Variants in WWOX observed in about 807,000 individuals in gnomAD.
The protein encoded by WWOX is WW domain containing oxidoreductase, also known as WW domain-containing oxidoreductase.
Under a neutral mutation model 46.2 loss-of-function variants are expected in WWOX, and 69 were observed. The observed-to-expected ratio is 1.49, with a 90% CI of 1.23 to 1.82. WWOX has a LOEUF of 1.82. Among genes scored for constraint, WWOX ranks in the 40% most tolerant of loss-of-function variants. The pLI is 0.00. For missense variants in WWOX, 919 were observed against 542.6 expected, an observed-to-expected ratio of 1.69 and a Z score of -6.89; for synonymous variants, 359 against 202.6, an observed-to-expected ratio of 1.77 and a Z score of -6.56.
At chr16:78,340,005 C>T (rs9928342) in intron 5 of WWOX, among the ~76,000 whole-genome samples, 4,229 of 36,066 alleles carry the variant, frequency 0.12, 576 homozygotes, top group Non-Finnish European at 0.16. Context: ...TCTAGTCTTT[C>T]CATGGATTTG....
intron 8 of WWOX, among the ~76,000 whole-genome samples, chr16:78,714,618 A>G (rs901436120): frequency 3.9e-5 from 6 of 152,196 alleles, no homozygotes; most frequent in African/African-American, 1.4e-4. Context: ...CAGTTACTTA[A>G]AAGTGTGGAA....
At chr16:78,988,234 C>T (rs1010943929) in intron 8 of WWOX, among the ~76,000 whole-genome samples, 21 of 151,764 alleles carry the variant, frequency 1.4e-4, no homozygotes, top group Non-Finnish European at 2.6e-4. Context: ...ATCTCAGCTC[C>T]TCGGGAGGCT....
intron 8 of WWOX, among the ~76,000 whole-genome samples, chr16:79,012,786 G>A (rs534187170): frequency 1.3e-5 from 2 of 152,324 alleles, no homozygotes; most frequent in East Asian, 3.9e-4. Flanking sequence ...CAGGTATTCG[G>A]TGCAGCCTTC....
intron 8 of WWOX, among the ~76,000 whole-genome samples, chr16:79,178,670 G>T (rs141556311): frequency 6.6e-6 from 1 of 152,084 alleles, no homozygotes; most frequent in South Asian, 2.1e-4. Context: ...CGAAGAATCC[G>T]TAGTCCATTT....
intron 5 of WWOX, among the ~76,000 whole-genome samples, chr16:78,375,224 C>A (rs538154751): frequency 1.8e-4 from 27 of 152,340 alleles, no homozygotes; most frequent in African/African-American, 6.5e-4. Flanking sequence ...TACTGTTACA[C>A]GTTTACTGCA....
At chr16:79,029,537 C>T (rs925420702) in intron 8 of WWOX, among the ~76,000 whole-genome samples, 1 of 152,102 alleles carries the variant, frequency 6.6e-6, no homozygotes, top group African/African-American at 2.4e-5. Flanking sequence ...ACAGGATGCT[C>T]CTTTAAGTTA....
intron 8 of WWOX, among the ~76,000 whole-genome samples, chr16:78,637,326 C>T (rs758172313): frequency 4.0e-5 from 6 of 151,878 alleles, no homozygotes; most frequent in Admixed American, 6.6e-5. Context: ...CCTATAATCC[C>T]AGCTACTTGG....
intron 8 of WWOX, among the ~76,000 whole-genome samples, chr16:78,465,863 TA>T (rs1445470236): frequency 4.6e-5 from 7 of 152,198 alleles, no homozygotes; most frequent in Non-Finnish European, 8.8e-5. Flanking sequence ...ATTTTTAAAT[TA>T]AAAGAGACTA....
intron 5 of WWOX, among the ~76,000 whole-genome samples, chr16:78,223,404 T>C (rs992994749): frequency 6.6e-6 from 1 of 152,166 alleles, no homozygotes; most frequent in Non-Finnish European, 1.5e-5. Flanking sequence ...TGCCCTTTTA[T>C]GCTTTTCAAC....
chr16:79,130,857 C>T (rs371290630), intron 8 of WWOX, among the ~76,000 whole-genome samples: 37 of 152,244 alleles, frequency 2.4e-4, no homozygotes, highest in Admixed American at 8.5e-4. Flanking sequence ...GGAGCTACTG[C>T]GGGTGTGTGA....
chr16:79,022,198 C>T (rs544021273), intron 8 of WWOX, among the ~76,000 whole-genome samples: 1 of 152,174 alleles, frequency 6.6e-6, no homozygotes, highest in Admixed American at 6.5e-5. Context: ...GTTGCAAAGA[C>T]TGGGGATGGA....
chr16:79,020,945 AG>A (rs1453311547), intron 8 of WWOX, among the ~76,000 whole-genome samples: 3 of 152,096 alleles, frequency 2.0e-5, no homozygotes, highest in African/African-American at 7.2e-5. Flanking sequence ...CAGGGAGCTA[AG>A]GGGATTCTTG....
At chr16:78,516,585 T>G (rs900273053) in intron 8 of WWOX, among the ~76,000 whole-genome samples, 1 of 152,190 alleles carries the variant, frequency 6.6e-6, no homozygotes, top group Non-Finnish European at 1.5e-5. Context: ...TTGGCCTGTT[T>G]CTACAATTTT....
chr16:78,841,062 C>T (rs1037960102), intron 8 of WWOX, among the ~76,000 whole-genome samples: 3 of 152,096 alleles, frequency 2.0e-5, no homozygotes, highest in Admixed American at 6.6e-5. Flanking sequence ...GCCCTCGTCC[C>T]GGTAACATAC....
At chr16:78,169,475 G>GGGGC (rs375607173) in intron 5 of WWOX, among the ~76,000 whole-genome samples, 2 of 151,514 alleles carry the variant, frequency 1.3e-5, no homozygotes, top group South Asian at 2.1e-4. Flanking sequence ...GGACCTCTGA[G>GGGGC]ATCTCAGGAC....
intron 5 of WWOX, among the ~76,000 whole-genome samples, chr16:78,269,808 G>T (rs2079438479): frequency 6.6e-6 from 1 of 151,946 alleles, no homozygotes; most frequent in Non-Finnish European, 1.5e-5. Flanking sequence ...AATTGCTCAG[G>T]CTGTTTGAAA....
intron 8 of WWOX, among the ~76,000 whole-genome samples, chr16:78,922,667 C>T (rs915430701): frequency 4.6e-5 from 7 of 152,152 alleles, no homozygotes; most frequent in East Asian, 1.9e-4. Context: ...GCGTGAGCCA[C>T]GACCACCAGC....
chr16:78,828,998 C>A (rs78105461), intron 8 of WWOX, among the ~76,000 whole-genome samples: 6 of 152,152 alleles, frequency 3.9e-5, no homozygotes, highest in Admixed American at 2.0e-4. Context: ...AGGATTTAAA[C>A]CCTTGGACTT....
intron 8 of WWOX, among the ~76,000 whole-genome samples, chr16:78,491,082 C>G (rs978075927): frequency 6.6e-6 from 1 of 152,176 alleles, no homozygotes; most frequent in Non-Finnish European, 1.5e-5. Flanking sequence ...TCATCTGTGC[C>G]AGCTGTGCCC....
Sources: allele counts gnomAD v4.1 joint callset (sites outside exome capture counted in the v4.1 genomes callset), GRCh38; gene constraint gnomAD v4.1.1; transcripts MANE v1.5; gene names NCBI Gene and HGNC (gene_info 2026-07-23, HGNC 2026-07-21).